The following RASGRP3 variants were observed in gnomAD, a reference collection of about 807,000 sequenced individuals.
RASGRP3 encodes RAS guanyl releasing protein 3.
In RASGRP3, 54 loss-of-function variants were observed where a neutral mutation model predicts 82.7. The ratio of observed to expected loss-of-function variants is 0.65; its 90% CI spans 0.52 to 0.82. The LOEUF (loss-of-function observed/expected upper bound fraction) is 0.82. Ranked by LOEUF, RASGRP3 falls within the 40% of genes least tolerant of loss-of-function variation. The pLI is 0.00. For synonymous variants in RASGRP3, 309 were observed against 300.5 expected, an observed-to-expected ratio of 1.03 and a Z score of -0.29; for missense variants, 861 against 828.9, an observed-to-expected ratio of 1.04 and a Z score of -0.48.
At chr2:33,445,769 C>A (rs1236673975) in intron 1 of RASGRP3, among the ~76,000 whole-genome samples, 1 of 151,530 alleles carries the variant, frequency 6.6e-6, no homozygotes, top group Non-Finnish European at 1.5e-5. Context: ...GTTAATTAAC[C>A]AAACAGAAAA....
intron 1 of RASGRP3, among the ~76,000 whole-genome samples, chr2:33,443,494 C>A (rs2150874970): frequency 6.6e-6 from 1 of 152,290 alleles, no homozygotes; most frequent in South Asian, 2.1e-4. Flanking sequence ...AAGTCATACT[C>A]TTCTCTGGTT....
rs374520615 is a variant in RASGRP3 at position 33,463,702 on chromosome 2, G to A, written c.-261+15759G>A. ...CAACCTCTGCCTCCCAGGTTCAAGC[G>A]ATTCTCCTGCCTCAGCCTCCCAAGT... On this transcript the variant is annotated intron_variant, in intron 2 of 18. Coordinates refer to the RASGRP3 transcript ENST00000402538. Among the ~76,000 whole-genome samples, 4 of 148,814 alleles carry A rather than the reference G, an allele frequency of 2.7e-5. No homozygotes were observed. The East Asian group carries it at 6.1e-4, about 23-fold the overall frequency.
upstream of RASGRP3, among the ~76,000 whole-genome samples, chr2:33,472,486 G>A (rs1667113342): frequency 6.6e-6 from 1 of 152,194 alleles, no homozygotes; most frequent in Non-Finnish European, 1.5e-5. Flanking sequence ...CAGACCTTCA[G>A]TAATAAATCA....
chr2:33,474,149 G>A (rs759684222), upstream of RASGRP3, among the ~76,000 whole-genome samples: 6 of 151,932 alleles, frequency 3.9e-5, no homozygotes, highest in Non-Finnish European at 5.9e-5. Flanking sequence ...TGGGGGCTGG[G>A]GACTCCTGCT....
chr2:33,538,820 C>T (rs1427724570), intron 11 of RASGRP3, among the ~76,000 whole-genome samples: 5 of 152,058 alleles, frequency 3.3e-5, no homozygotes, highest in Non-Finnish European at 7.4e-5. Flanking sequence ...CGGAGAATTG[C>T]TTGAGCCCAG....
chr2:33,540,590 G>C (rs1674195574), intron 12 of RASGRP3, among the ~76,000 whole-genome samples: 1 of 114,306 alleles, frequency 8.7e-6, no homozygotes, highest in Non-Finnish European at 2.0e-5. Flanking sequence ...GTGTGTGTGT[G>C]TGTGTGTGTG....
Position 33,527,193 on chromosome 2 carries a change from C to A in RASGRP3, c.864C>A (p.Arg288=). The A allele has an allele frequency of 1.9e-6, 3 of 1,614,046 alleles. No individual in the cohort carries two copies. The South Asian group carries it at 3.3e-5, about 18-fold the overall frequency. ...VSSNGNYCNY[R]KAFADCDGFK... ...CCAACGGCAATTACTGCAATTACCG[C>A]AAGGCCTTTGCCGACTGCGATGGCT... The change falls in exon 10 of 18, where the codon CGC becomes CGA. Residue 288 remains arginine (R), a synonymous_variant. Transcript: ENST00000403687.
chr2:33,495,414 G>A (rs993598255), intron 1 of RASGRP3, among the ~76,000 whole-genome samples: 2 of 152,096 alleles, frequency 1.3e-5, no homozygotes, highest in African/African-American at 2.4e-5. Context: ...ATCTAACGCC[G>A]CAGCTCATCT....
chr2:33,526,954 G>A (rs1672625474), intron 9 of RASGRP3, among the ~76,000 whole-genome samples, 183 bp from the exon 10 acceptor site: 1 of 152,188 alleles, frequency 6.6e-6, no homozygotes, highest in African/African-American at 2.4e-5. Flanking sequence ...GCTGCTCAAT[G>A]CATAGCCAGG....
chr2:33,524,596 A>C (rs1219999649), intron 9 of RASGRP3, 48 bp downstream of exon 9: 1 of 1,411,104 alleles, frequency 7.1e-7, no homozygotes, highest in Non-Finnish European at 9.8e-7. Context: ...GCATTTGTAA[A>C]TTGTTCAGGT....
At chr2:33,543,017 A>C (rs1019387423) in intron 12 of RASGRP3, among the ~76,000 whole-genome samples, 3 of 151,950 alleles carry the variant, frequency 2.0e-5, no homozygotes, top group Admixed American at 1.3e-4. Flanking sequence ...AATTTTATTT[A>C]AAATTTATTT....
intron 11 of RASGRP3, among the ~76,000 whole-genome samples, chr2:33,536,064 A>C (rs1673572414): frequency 6.6e-6 from 1 of 152,072 alleles, no homozygotes. Flanking sequence ...GCACTTTGGG[A>C]GGCCGAGGCA....
At chr2:33,485,101 G>A (rs889450922) in intron 1 of RASGRP3, among the ~76,000 whole-genome samples, 1 of 152,166 alleles carries the variant, frequency 6.6e-6, no homozygotes, top group Non-Finnish European at 1.5e-5. Flanking sequence ...GGAAGGCTGA[G>A]GCAGGAAAAT....
chr2:33,538,213 G>A (rs896226580), intron 11 of RASGRP3, among the ~76,000 whole-genome samples: 3 of 152,086 alleles, frequency 2.0e-5, no homozygotes, highest in Admixed American at 6.6e-5. Context: ...TTAAAATAAT[G>A]GAATTTAGTC....
At chr2:33,478,327 G>A (rs753128055) in intron 1 of RASGRP3, among the ~76,000 whole-genome samples, 1 of 152,150 alleles carries the variant, frequency 6.6e-6, no homozygotes, top group Admixed American at 6.5e-5. Flanking sequence ...TTTGTGTGAG[G>A]TCCTTGGGTC....
chr2:33,484,517 A>G (rs1668194587), intron 1 of RASGRP3, among the ~76,000 whole-genome samples: 2 of 151,956 alleles, frequency 1.3e-5, no homozygotes, highest in South Asian at 4.1e-4. Flanking sequence ...ATATGAGTTG[A>G]CACGATGCTT....
At chr2:33,506,156 AGCT>A (rs1670357231) in intron 1 of RASGRP3, among the ~76,000 whole-genome samples, 1 of 152,234 alleles carries the variant, frequency 6.6e-6, no homozygotes, top group Non-Finnish European at 1.5e-5. Flanking sequence ...TGAGTTGCCA[AGCT>A]TGCTGTAATA....
At chr2:33,499,123 C>G (rs1276426451) in intron 1 of RASGRP3, among the ~76,000 whole-genome samples, 1 of 152,142 alleles carries the variant, frequency 6.6e-6, no homozygotes, top group Non-Finnish European at 1.5e-5. Flanking sequence ...CCCCAACCCC[C>G]TCCCATTTCT....
intron 16 of RASGRP3, 106 bp downstream of exon 16, chr2:33,558,442 G>C: frequency 1.3e-6 from 2 of 1,529,640 alleles, no homozygotes; most frequent in South Asian, 2.4e-5. Context: ...CACTCTAAAC[G>C]CTAAGGCCTT....
Sources: gnomAD v4.1 joint callset for allele counts (sites outside exome capture counted in the v4.1 genomes callset) on GRCh38, gnomAD v4.1.1 for gene constraint, MANE v1.5 for transcripts, NCBI Gene and HGNC (gene_info 2026-07-23, HGNC 2026-07-21) for gene names.